Variants in PLCH1 observed in about 807,000 individuals in gnomAD.
The protein encoded by PLCH1 is phospholipase C eta 1.
PLCH1 carries 60 observed loss-of-function variants against 126.7 expected under a neutral mutation model. That is an observed-to-expected ratio of 0.47 (90% CI 0.38 to 0.59). The LOEUF (loss-of-function observed/expected upper bound fraction) is 0.59. PLCH1 is among the 20% of genes least tolerant of loss of function. The pLI is 0.00. For missense variants in PLCH1, 1,723 were observed against 2,040.0 expected (o/e 0.84, Z 2.99); for synonymous variants, 719 against 734.9 (o/e 0.98, Z 0.35).
intron 18 of PLCH1, 71 bp from the exon 19 acceptor site, chr3:155,490,939 T>C (rs1450601643): frequency 2.3e-6 from 2 of 858,926 alleles, no homozygotes; most frequent in East Asian, 2.6e-5. Context: ...TCTGAGAATA[T>C]TGGCCAAAAT....
In PLCH1 at chr3:155,620,740, A is replaced by T. The variant is rs940330381; in HGVS notation, c.80-24362T>A. ...CTCCTCTCTGGGCAGGCCATCTCTG[A>T]AAAAAAGGCAGTAGCCCCAGTCAGG... On this transcript the variant is annotated intron_variant, in intron 2 of 22. Transcript: ENST00000460012. Among the ~76,000 whole-genome samples the T allele has an allele frequency of 3.3e-5, 5 of 152,258 alleles. No individual in the cohort carries two copies. In the South Asian group the frequency reaches 1.0e-3, roughly 32 times the overall value.
At chr3:155,458,483 A>G (rs1712562518) in intron 21 of PLCH1, among the ~76,000 whole-genome samples, 1 of 110,814 alleles carries the variant, frequency 9.0e-6, no homozygotes, top group Non-Finnish European at 1.6e-5. Flanking sequence ...AGAAAGAAAG[A>G]AAGAAAGAAA....
At chr3:155,524,765 C>T (rs1166877758) in intron 10 of PLCH1, among the ~76,000 whole-genome samples, 2 of 152,110 alleles carry the variant, frequency 1.3e-5, no homozygotes, top group African/African-American at 4.8e-5. Flanking sequence ...ACCTGTAATC[C>T]CAGCACTTTG....
At chr3:155,714,843 T>G (rs1747393058) in intron 1 of PLCH1, among the ~76,000 whole-genome samples, 1 of 152,230 alleles carries the variant, frequency 6.6e-6, no homozygotes, top group South Asian at 2.1e-4. Flanking sequence ...AAGGCTGGCC[T>G]ATAACTTCCA....
chr3:155,651,016 C>A (rs999423021), intron 2 of PLCH1, among the ~76,000 whole-genome samples: 2 of 150,160 alleles, frequency 1.3e-5, no homozygotes, highest in African/African-American at 4.9e-5. Context: ...CCAGCCTGGG[C>A]AACAGAGCGA....
intron 11 of PLCH1, among the ~76,000 whole-genome samples, chr3:155,520,539 A>G (rs932155317): frequency 5.5e-4 from 84 of 152,230 alleles, no homozygotes; most frequent in African/African-American, 1.7e-3. Context: ...AGAGAGCACA[A>G]GATAAAAGAC....
chr3:155,461,926 G>T (rs1034179301), intron 21 of PLCH1, among the ~76,000 whole-genome samples: 1 of 152,186 alleles, frequency 6.6e-6, no homozygotes, highest in Non-Finnish European at 1.5e-5. Flanking sequence ...AAAAGCAAGG[G>T]CTCTGGGAAC....
At chr3:155,492,523 T>G (rs1466755808) in intron 18 of PLCH1, among the ~76,000 whole-genome samples, 1 of 152,242 alleles carries the variant, frequency 6.6e-6, no homozygotes, top group Admixed American at 6.5e-5. Context: ...TTCAATTGTG[T>G]GCTCTTATGC....
intron 10 of PLCH1, among the ~76,000 whole-genome samples, chr3:155,546,674 C>T (rs1187299116): frequency 6.6e-6 from 1 of 151,688 alleles, no homozygotes; most frequent in Admixed American, 6.6e-5. Flanking sequence ...CAGCATGGTA[C>T]TGGTACCAAA....
intron 21 of PLCH1, among the ~76,000 whole-genome samples, chr3:155,458,341 CAAAAA>C (rs552915955): frequency 1.2e-5 from 1 of 81,554 alleles, no homozygotes; most frequent in Non-Finnish European, 2.3e-5. Flanking sequence ...GACTCCATGT[CAAAAA>C]AAAAAAAAAA....
chr3:155,633,230 C>T (rs1738257417), intron 2 of PLCH1, among the ~76,000 whole-genome samples: 1 of 151,994 alleles, frequency 6.6e-6, no homozygotes, highest in Non-Finnish European at 1.5e-5. Flanking sequence ...GTATCATAGT[C>T]CAAGCATGGA....
At chr3:155,719,838 C>A (rs998234876) in intron 1 of PLCH1, among the ~76,000 whole-genome samples, 1 of 151,894 alleles carries the variant, frequency 6.6e-6, no homozygotes, top group Non-Finnish European at 1.5e-5. Context: ...GACTCTCACT[C>A]TGTCTGGAGT....
chr3:155,497,083 T>C (rs73874819), intron 15 of PLCH1, among the ~76,000 whole-genome samples: 13,639 of 152,150 alleles, frequency 0.09, 1,343 homozygotes, highest in African/African-American at 0.25. Flanking sequence ...AAGTCCTCTT[T>C]GGCCCTGTGG....
At chr3:155,587,281 T>A (rs1374786362) in intron 4 of PLCH1, among the ~76,000 whole-genome samples, 1 of 152,228 alleles carries the variant, frequency 6.6e-6, no homozygotes, top group Non-Finnish European at 1.5e-5. Flanking sequence ...ACCTACTATC[T>A]TTTTACCTTC....
intron 10 of PLCH1, among the ~76,000 whole-genome samples, chr3:155,546,692 T>C (rs1385889595): frequency 6.6e-6 from 1 of 150,638 alleles, no homozygotes; most frequent in Non-Finnish European, 1.5e-5. Context: ...AAAACAGAGA[T>C]ATAGATCAAT....
At chr3:155,531,080 A>C (rs1181290451) in intron 10 of PLCH1, among the ~76,000 whole-genome samples, 2 of 76,698 alleles carry the variant, frequency 2.6e-5, no homozygotes, top group African/African-American at 1.0e-4. Context: ...TGCTGTAAAA[A>C]TATGTGCTGT....
At chr3:155,451,558 G>A (rs1712308181) in intron 21 of PLCH1, among the ~76,000 whole-genome samples, 1 of 152,160 alleles carries the variant, frequency 6.6e-6, no homozygotes, top group Non-Finnish European at 1.5e-5. Context: ...TCTTGATGAG[G>A]TTAACATTTG....
intron 12 of PLCH1, among the ~76,000 whole-genome samples, chr3:155,511,555 G>A (rs1719493094): frequency 7.5e-6 from 1 of 133,840 alleles, no homozygotes; most frequent in Non-Finnish European, 1.5e-5. Flanking sequence ...CTTTCTGGTT[G>A]TTAGTTTTCC....
At chr3:155,619,753 A>G (rs569779657) in intron 2 of PLCH1, among the ~76,000 whole-genome samples, 8 of 152,162 alleles carry the variant, frequency 5.3e-5, no homozygotes, top group Non-Finnish European at 8.8e-5. Context: ...TGCTATGCTG[A>G]AGCAGGCCTG....
Sources: allele counts gnomAD v4.1 joint callset (sites outside exome capture counted in the v4.1 genomes callset), GRCh38; gene constraint gnomAD v4.1.1; transcripts MANE v1.5; gene names NCBI Gene and HGNC (gene_info 2026-07-23, HGNC 2026-07-21).